Variants in LOC400499 observed in about 807,000 individuals in gnomAD.
the LOC400499 span, among the ~76,000 whole-genome samples, chr16:11,410,728 A>G: frequency 1.3e-5 from 2 of 152,252 alleles, no homozygotes; most frequent in South Asian, 4.1e-4. Flanking sequence ...CTAAACAACT[A>G]CTGTGTGCTG....
the LOC400499 span, chr16:11,478,535 T>C: frequency 2.5e-6 from 1 of 399,086 alleles, no homozygotes; most frequent in Non-Finnish European, 4.4e-6. Flanking sequence ...GCTACCTTCA[T>C]GAGCTTGATG....
At chr16:11,507,435 G>A in the LOC400499 span, among the ~76,000 whole-genome samples, 1 of 152,282 alleles carries the variant, frequency 6.6e-6, no homozygotes, top group Non-Finnish European at 1.5e-5. Context: ...CCTGCTTTGG[G>A]CCATGCTGCC....
the LOC400499 span, chr16:11,383,676 A>G: frequency 8.1e-7 from 1 of 1,232,292 alleles, no homozygotes; most frequent in Non-Finnish European, 1.0e-6. Context: ...GTACGAATCC[A>G]CGGGCACACA....
chr16:11,404,805 C>T, the LOC400499 span: 26 of 399,030 alleles, frequency 6.5e-5, no homozygotes, highest in South Asian at 5.1e-4. Flanking sequence ...GCGCAGGACA[C>T]GGGTCCCATG....
At chr16:11,451,658 T>G in the LOC400499 span, among the ~76,000 whole-genome samples, 1 of 152,064 alleles carries the variant, frequency 6.6e-6, no homozygotes, top group Non-Finnish European at 1.5e-5. Context: ...TGATAAAAAT[T>G]GGTTAGGTCA....
chr16:11,440,787 G>C, the LOC400499 span: 2 of 399,056 alleles, frequency 5.0e-6, no homozygotes, highest in Admixed American at 4.4e-5. Context: ...ATGTTCCTTG[G>C]GGACTCTGTC....
At chr16:11,489,628 G>A in the LOC400499 span, among the ~76,000 whole-genome samples, 1 of 152,126 alleles carries the variant, frequency 6.6e-6, no homozygotes, top group Non-Finnish European at 1.5e-5. Context: ...GGTTTTTAGG[G>A]ATAAGGTGCC....
At chr16:11,380,241 A>G in the LOC400499 span, among the ~76,000 whole-genome samples, 2 of 142,566 alleles carry the variant, frequency 1.4e-5, 1 homozygote, top group East Asian at 3.9e-4. Flanking sequence ...TCCACCTAGC[A>G]TCTTTTTTTT....
the LOC400499 span, among the ~76,000 whole-genome samples, chr16:11,390,865 T>C: frequency 1.3e-5 from 2 of 152,346 alleles, no homozygotes; most frequent in South Asian, 4.1e-4. Flanking sequence ...CCCTGGGTGC[T>C]GAGTCTCCCA....
At chr16:11,392,903 G>C in the LOC400499 span, 2 of 678,372 alleles carry the variant, frequency 2.9e-6, no homozygotes, top group African/African-American at 1.9e-5. Flanking sequence ...GCCTAGGCTG[G>C]TGTGTGGTGA....
At chr16:11,491,483 C>G in the LOC400499 span, among the ~76,000 whole-genome samples, 1 of 152,110 alleles carries the variant, frequency 6.6e-6, no homozygotes, top group Non-Finnish European at 1.5e-5. Context: ...CAAAGTCATC[C>G]AATGGCAGAA....
At chr16:11,445,542 G>A in the LOC400499 span, among the ~76,000 whole-genome samples, 1 of 152,204 alleles carries the variant, frequency 6.6e-6, no homozygotes, top group Admixed American at 6.6e-5. Context: ...TGAGTAGAAG[G>A]GAGGAGGCAA....
the LOC400499 span, chr16:11,502,270 C>A: frequency 4.3e-5 from 17 of 397,290 alleles, no homozygotes; most frequent in Non-Finnish European, 5.3e-5. Context: ...TAAGCACAAC[C>A]GTGGGGAAAG....
At chr16:11,373,865 C>G in the LOC400499 span, among the ~76,000 whole-genome samples, 1 of 152,234 alleles carries the variant, frequency 6.6e-6, no homozygotes, top group African/African-American at 2.4e-5. Flanking sequence ...GGTGATCTGC[C>G]CGCCTCGGCC....
At chr16:11,406,067 T>C in the LOC400499 span, among the ~76,000 whole-genome samples, 2 of 152,018 alleles carry the variant, frequency 1.3e-5, no homozygotes, top group South Asian at 2.1e-4. Flanking sequence ...GTTTGTTACA[T>C]AGGTATATTG....
chr16:11,519,459 G>A, the LOC400499 span, among the ~76,000 whole-genome samples: 12 of 151,982 alleles, frequency 7.9e-5, no homozygotes, highest in Non-Finnish European at 1.0e-4. Context: ...TAATAGAGCC[G>A]GTCACAGTGG....
the LOC400499 span, among the ~76,000 whole-genome samples, chr16:11,492,246 ACAGC>A: frequency 1.9e-4 from 28 of 150,970 alleles, no homozygotes; most frequent in African/African-American, 3.7e-4. Flanking sequence ...GGCTTCCTCC[ACAGC>A]CAGCCAGCCA....
At chr16:11,458,450 A>G in the LOC400499 span, among the ~76,000 whole-genome samples, 8 of 151,650 alleles carry the variant, frequency 5.3e-5, no homozygotes, top group African/African-American at 1.9e-4. Context: ...GGTTGCAGTG[A>G]GCCAAGATTG....
chr16:11,511,930 A>T, the LOC400499 span, among the ~76,000 whole-genome samples: 1 of 151,772 alleles, frequency 6.6e-6, no homozygotes, highest in Non-Finnish European at 1.5e-5. Context: ...CACTGGGGGA[A>T]CCCCTTGACC....
Sources: gnomAD v4.1 joint callset for allele counts (sites outside exome capture counted in the v4.1 genomes callset) on GRCh38, gnomAD v4.1.1 for gene constraint, MANE v1.5 for transcripts.